Variants in NCOA2 observed in about 807,000 individuals in gnomAD.
The protein encoded by NCOA2 is class E basic helix-loop-helix protein 75.
A neutral mutation model predicts 145.1 loss-of-function variants in NCOA2; 21 were observed. The ratio of observed to expected loss-of-function variants is 0.14; its 90% CI spans 0.10 to 0.21. The LOEUF is 0.21. Among genes scored for constraint, NCOA2 ranks in the 10% least tolerant of loss-of-function variants. The pLI is 1.00. For synonymous variants in NCOA2, 619 were observed against 637.5 expected (o/e 0.97, Z 0.44); for missense variants, 1,472 against 1,837.6 (o/e 0.80, Z 3.64).
chr8:70,210,771 T>C (rs535757503), intron 4 of NCOA2, among the ~76,000 whole-genome samples: 1 of 152,194 alleles, frequency 6.6e-6, no homozygotes, highest in Non-Finnish European at 1.5e-5. Flanking sequence ...TCCATAAAGA[T>C]GAGCCCAGCT....
chr8:70,425,136 T>C, the NCOA2 span, among the ~76,000 whole-genome samples: 1 of 152,206 alleles, frequency 6.6e-6, no homozygotes, highest in Admixed American at 6.5e-5. Flanking sequence ...CTCCCAAAGC[T>C]GGAATTCAGT....
the NCOA2 span, among the ~76,000 whole-genome samples, chr8:70,442,124 A>AAAG: frequency 2.7e-5 from 3 of 112,538 alleles, no homozygotes; most frequent in Non-Finnish European, 3.5e-5. Flanking sequence ...AAGAAGAAAG[A>AAAG]AAGAAAGAAA....
At chr8:70,450,570 A>ATTTTTTTTT in the NCOA2 span, among the ~76,000 whole-genome samples, 1 of 61,132 alleles carries the variant, frequency 1.6e-5, no homozygotes, top group Admixed American at 1.3e-4. Flanking sequence ...ACTTCTTTTT[A>ATTTTTTTTT]TTCTTTTTTT....
intron 1 of NCOA2, among the ~76,000 whole-genome samples, chr8:70,321,792 CCTTT>C (rs1207548556): frequency 4.1e-5 from 4 of 97,526 alleles, no homozygotes; most frequent in East Asian, 5.3e-4. Context: ...TCAGAATATA[CCTTT>C]TTTTTTTTTT....
chr8:70,127,190 A>G (rs1267607207), intron 18 of NCOA2, 143 bp from the exon 19 acceptor site: 1 of 632,364 alleles, frequency 1.6e-6, no homozygotes, highest in Admixed American at 2.6e-5. Context: ...GGAATGACTC[A>G]GAGTTGAACA....
At chr8:70,266,589 AT>A (rs889059855) in intron 2 of NCOA2, among the ~76,000 whole-genome samples, 1 of 152,094 alleles carries the variant, frequency 6.6e-6, no homozygotes, top group Non-Finnish European at 1.5e-5. Context: ...TTCTTTGGTC[AT>A]CCTGTGTCTC....
chr8:70,443,103 GC>G, the NCOA2 span, among the ~76,000 whole-genome samples: 1 of 152,200 alleles, frequency 6.6e-6, no homozygotes, highest in Middle Eastern at 3.2e-3. Flanking sequence ...GGTGGCTCAT[GC>G]CTGTAATCCC....
At chr8:70,273,952 T>C (rs908992073) in intron 2 of NCOA2, 33 of 374,878 alleles carry the variant, frequency 8.8e-5, no homozygotes, top group Non-Finnish European at 1.6e-4. Context: ...TTTATGGGTC[T>C]GATAAAATCT....
intron 1 of NCOA2, among the ~76,000 whole-genome samples, chr8:70,392,739 A>G (rs1813318929): frequency 6.6e-6 from 1 of 152,180 alleles, no homozygotes; most frequent in Admixed American, 6.5e-5. Context: ...TCCTCTATCC[A>G]CTAAAAACTG....
At chr8:70,415,156 A>C in the NCOA2 span, among the ~76,000 whole-genome samples, 1 of 151,984 alleles carries the variant, frequency 6.6e-6, no homozygotes, top group Admixed American at 6.6e-5. Flanking sequence ...ACTTTCTTCA[A>C]AATTAACCTG....
intron 2 of NCOA2, among the ~76,000 whole-genome samples, chr8:70,224,808 C>A (rs1054367957): frequency 6.0e-5 from 9 of 151,198 alleles, no homozygotes; most frequent in African/African-American, 2.2e-4. Flanking sequence ...TAAATTATGT[C>A]ATTATAATAA....
chr8:70,241,565 G>A (rs1460095121), intron 2 of NCOA2, among the ~76,000 whole-genome samples: 2 of 152,052 alleles, frequency 1.3e-5, no homozygotes, highest in Non-Finnish European at 2.9e-5. Flanking sequence ...TTCCCTCCTT[G>A]TCCATTATGT....
the NCOA2 span, among the ~76,000 whole-genome samples, chr8:70,425,758 T>C: frequency 6.6e-6 from 1 of 152,158 alleles, no homozygotes; most frequent in Non-Finnish European, 1.5e-5. Flanking sequence ...AGGGAGAAGA[T>C]GTGGGAAGTA....
intron 18 of NCOA2, 60 bp from the exon 19 acceptor site, chr8:70,127,107 A>G (rs1808500631): frequency 8.1e-7 from 1 of 1,240,260 alleles, no homozygotes; most frequent in Admixed American, 2.0e-5. Flanking sequence ...TTAAAAAACA[A>G]AGTGAGTATT....
At chr8:70,364,741 TAAA>T (rs796932464) in intron 1 of NCOA2, among the ~76,000 whole-genome samples, 2 of 123,652 alleles carry the variant, frequency 1.6e-5, no homozygotes, top group Non-Finnish European at 1.8e-5. Flanking sequence ...TCCCAATACT[TAAA>T]AAAAAAAAAA....
rs138874148 is a variant in NCOA2 at position 70,343,507 on chromosome 8, A to T, written c.-76-46707T>A. On this transcript the variant is annotated intron_variant, in intron 1 of 22. Transcript: ENST00000452400. ...TCACTTGAAGCTTTCATTCTAATTC[A>T]GAGTTAAGGAAAAGTGAAGGCCGGA... Among the ~76,000 whole-genome samples the T allele has an allele frequency of 8.8e-4, 134 of 151,974 alleles. 1 individual carries two copies. Among genetic ancestry groups the T allele is most frequent in the South Asian group, 2.5e-3 (12 of 4,808 alleles).
the NCOA2 span, chr8:70,424,683 G>A: frequency 3.2e-5 from 9 of 277,278 alleles, no homozygotes; most frequent in East Asian, 1.0e-4. Context: ...CGTGATCCCC[G>A]TCCTAACTAC....
chr8:70,184,219 G>A (rs1815794847), intron 4 of NCOA2, among the ~76,000 whole-genome samples: 1 of 152,178 alleles, frequency 6.6e-6, no homozygotes, highest in South Asian at 2.1e-4. Flanking sequence ...CTCTACACCT[G>A]AGCCACGAAG....
At chr8:70,238,451 G>A (rs1821848637) in intron 2 of NCOA2, among the ~76,000 whole-genome samples, 1 of 151,894 alleles carries the variant, frequency 6.6e-6, no homozygotes, top group African/African-American at 2.4e-5. Context: ...ACCTCTCCAA[G>A]GTCTCAAAGC....
Sources: allele counts gnomAD v4.1 joint callset (sites outside exome capture counted in the v4.1 genomes callset), GRCh38; gene constraint gnomAD v4.1.1; transcripts MANE v1.5; gene names NCBI Gene and HGNC (gene_info 2026-07-23, HGNC 2026-07-21).